HSPA12B: variants seen among roughly 807,000 people sequenced by gnomAD.
The protein encoded by HSPA12B is heat shock 70 kDa protein 12B.
A neutral mutation model predicts 69.3 loss-of-function variants in HSPA12B; 54 were observed. The ratio of observed to expected loss-of-function variants is 0.78; its 90% CI spans 0.63 to 0.98. HSPA12B has a LOEUF of 0.98. Among genes scored for constraint, HSPA12B ranks in the 50% least tolerant of loss-of-function variants. The pLI, the probability that HSPA12B is intolerant of heterozygous loss-of-function variation, is 0.00. For synonymous variants in HSPA12B, 441 were observed against 436.5 expected (o/e 1.01, Z -0.13); for missense variants, 929 against 999.8 (o/e 0.93, Z 0.96).
At position 3,740,159 on chromosome 20, in the gene HSPA12B, T is replaced by TGGGG. The variant is rs369809848; in HGVS notation, c.44-653_44-650dup. Among the ~76,000 whole-genome samples, 1 of 151,426 alleles carries TGGGG rather than the reference T, an allele frequency of 6.6e-6. No homozygotes were observed. Among genetic ancestry groups the TGGGG allele is most frequent in the African/African-American group, 2.4e-5 (1 of 40,896 alleles). Reference sequence around the variant, plus strand: ...CTCAGGGTGTGTGTATGTGTGTGTGTGGGGGGTGGGAATCAGACTTCCTAA... The same window carrying TGGGG: ...CTCAGGGTGTGTGTATGTGTGTGTGTGGGGGGGGGGTGGGAATCAGACTTCCTAA... On this transcript the variant is annotated intron_variant, in intron 2 of 12. Coordinates refer to ENST00000254963, the MANE Select transcript of HSPA12B (RefSeq NM_052970.5). This position sits in a 1 kb window ranked among gnomAD's most constrained non-coding sequence, Gnocchi z 4.9.
At chr20:3,741,551 T>C (rs1208191891) in intron 3 of HSPA12B, among the ~76,000 whole-genome samples, 1 of 152,136 alleles carries the variant, frequency 6.6e-6, no homozygotes, top group East Asian at 1.9e-4. Context: ...GAGAATTGCT[T>C]GAACCTGGGA....
At position 3,738,690 on chromosome 20, in the gene HSPA12B, G is replaced by A. The variant is rs760812368; in HGVS notation, c.16G>A (p.Glu6Lys). The A allele has an allele frequency of 9.9e-6, 16 of 1,614,138 alleles. No homozygotes were observed. Among genetic ancestry groups the A allele is most frequent in the Middle Eastern group, 3.3e-4 (2 of 6,062 alleles). Reference sequence around the variant, plus strand: ...GCCTGCAAGGATGTTGGCTGTCCCGGAGATGGGCCTGCAGGGGCTGTACAT... The same window carrying A: ...GCCTGCAAGGATGTTGGCTGTCCCGAAGATGGGCCTGCAGGGGCTGTACAT... MLAVP[E>K]MGLQGLYIGS... The change falls in exon 2 of 13, where the codon GAG becomes AAG. Residue 6 changes from glutamate (E) to lysine (K), a missense_variant. Physicochemically the swap from Glu to Lys is moderately conservative, Grantham distance 56 (BLOSUM62 1). Around this residue, in one of 3 missense-constraint regions of HSPA12B, gnomAD observed 477 missense variants for 535.2 expected, o/e 0.89. Coordinates refer to ENST00000254963, the MANE Select transcript of HSPA12B (RefSeq NM_052970.5).
At chr20:3,735,158 A>C (rs190250488) in intron 1 of HSPA12B, among the ~76,000 whole-genome samples, 2 of 152,354 alleles carry the variant, frequency 1.3e-5, no homozygotes, top group African/African-American at 4.8e-5. Flanking sequence ...TCATGAAGGG[A>C]AAGAACACTG....
At position 3,745,582 on chromosome 20, in the gene HSPA12B, G is replaced by A. The variant is rs1365882413; in HGVS notation, c.543G>A (p.Arg181=). The A allele has an allele frequency of 6.2e-7, 1 of 1,614,076 alleles. No homozygotes were observed. The highest frequency in any genetic ancestry group is 8.5e-7 in the Non-Finnish European group (1 of 1,179,982). Residue 181 remains arginine, a synonymous_variant, in exon 6 of 13, where the codon AGG becomes AGA. Transcript: ENST00000254963. The surrounding 1 kb of genome is among the most constrained non-coding windows in gnomAD (Gnocchi z 5.6). ...EVFAHALRFF[R]EHALQELREQ... ...TCGCCCATGCCCTGCGCTTCTTCAGGGAGCACGCCCTTCAGGTGCGCTGCG... is the reference window on the plus strand; with the variant it reads ...TCGCCCATGCCCTGCGCTTCTTCAGAGAGCACGCCCTTCAGGTGCGCTGCG...
rs770403153 is a variant in HSPA12B, at chr20:3,751,596, C to T, written c.1491C>T (p.His497=). 7.9e-6 allele frequency: 12 copies of T among 1,521,620 alleles called. No individual in the cohort carries two copies. Among genetic ancestry groups the T allele is most frequent in the Non-Finnish European group, 1.1e-5 (12 of 1,138,164 alleles). 94.3% of individuals were successfully genotyped at this position (1,521,620 alleles called of 1,614,324 possible). A position where few individuals can be genotyped will look rare whatever the true frequency, so the allele number is the denominator to read the frequency against. The part of the protein sequence containing the change: ...GGFAESAVLQ[H]AVQAALGARG... The stretch of plus-strand genomic sequence containing the variant: ...TCGCCGAGTCAGCGGTGCTGCAGCA[C>T]GCGGTGCAGGCGGCGCTGGGCGCCC... The change falls in exon 13 of 13, where the codon CAC becomes CAT. Residue 497 remains histidine (H), a synonymous_variant. Transcript: ENST00000254963.
chr20:3,742,483 T>C, intron 4 of HSPA12B, 75 bp downstream of exon 4: 1 of 1,213,270 alleles, frequency 8.2e-7, no homozygotes, highest in Non-Finnish European at 1.2e-6. Flanking sequence ...AAAAGTACTG[T>C]CACCGAGACA....
At chr20:3,741,011 G>A (rs1600313547) in intron 3 of HSPA12B, 99 bp downstream of exon 3, 1 of 922,122 alleles carries the variant, frequency 1.1e-6, no homozygotes, top group East Asian at 2.6e-5. Flanking sequence ...GGAAGGAGGA[G>A]GGGATGGGGG....
At chr20:3,741,049 C>T (rs1353369146) in intron 3 of HSPA12B, 137 bp downstream of exon 3, 26 of 656,622 alleles carry the variant, frequency 4.0e-5, no homozygotes, top group Non-Finnish European at 1.5e-5. Context: ...TCCCCGTACA[C>T]TCCAGTCATG....
At chr20:3,742,701 C>CTTT (rs36044324) in intron 4 of HSPA12B, among the ~76,000 whole-genome samples, 1 of 143,076 alleles carries the variant, frequency 7.0e-6, no homozygotes, top group Non-Finnish European at 1.5e-5. Flanking sequence ...TTTTATTTTC[C>CTTT]TTTTTTTTTT....
intron 11 of HSPA12B, 69 bp from the exon 12 acceptor site, chr20:3,750,735 A>T (rs2088403240): frequency 6.2e-7 from 1 of 1,609,760 alleles, no homozygotes; most frequent in African/African-American, 1.3e-5. Context: ...AATAAGGACC[A>T]CGGACCCCAA....
chr20:3,746,872 A>C (rs6116016), intron 7 of HSPA12B, among the ~76,000 whole-genome samples: 2,150 of 152,286 alleles, frequency 0.014, 59 homozygotes, highest in African/African-American at 0.049. Context: ...ATTCCCATTC[A>C]GCTGAGGGCA....
At position 3,750,913 on chromosome 20, in the gene HSPA12B, C is replaced by T. The variant is rs2088407973; in HGVS notation, c.1405+6C>T. 1.2e-6 allele frequency: 2 copies of T among 1,613,278 alleles called. No individual in the cohort carries two copies. Among genetic ancestry groups the T allele is most frequent in the Non-Finnish European group, 1.7e-6 (2 of 1,179,372 alleles). On this transcript the variant is annotated splice_donor_region_variant and intron_variant, in intron 12 of 12. Transcript: ENST00000254963. The stretch of plus-strand genomic sequence containing the variant: ...CGGGATCATCCAGCACATAGGTGAG[C>T]ACCTGAGCTTGGTCCCCCACCCGCC...
chr20:3,749,319 G>GT lies in HSPA12B; in HGVS notation c.937+2dup. The GT allele has an allele frequency of 6.2e-7, 1 of 1,612,842 alleles. No homozygotes were observed. Reference sequence around the variant, plus strand: ...GAGCTGTGGGCAGAGATGCAAGCAGGTAGGGGGAAAGGGGGACGGAGTGTT... The same window carrying GT: ...GAGCTGTGGGCAGAGATGCAAGCAGGTTAGGGGGAAAGGGGGACGGAGTGTT... On this transcript the variant is annotated splice_donor_variant, in intron 9 of 12. Transcript: ENST00000254963. LOFTEE classifies it high-confidence loss of function. The surrounding 1 kb of genome is among the most constrained non-coding windows in gnomAD (Gnocchi z 5.5).
At chr20:3,746,430 G>A (rs1383426566) in intron 7 of HSPA12B, among the ~76,000 whole-genome samples, 1 of 145,230 alleles carries the variant, frequency 6.9e-6, no homozygotes, top group Non-Finnish European at 1.5e-5. Flanking sequence ...AGCCTCCCGA[G>A]TAGCTGGGAC....
intron 4 of HSPA12B, among the ~76,000 whole-genome samples, chr20:3,742,907 T>C (rs2088229452): frequency 6.6e-6 from 1 of 151,620 alleles, no homozygotes; most frequent in African/African-American, 2.4e-5. Flanking sequence ...GGAGTCTCAC[T>C]CTGTTGTCCA....
rs944962241 is a variant in HSPA12B, at chr20:3,749,154, G to A, written c.851-78G>A. 10 of 1,298,996 alleles carry A rather than the reference G, an allele frequency of 7.7e-6. No individual in the cohort carries two copies. In the Admixed American group the frequency reaches 1.4e-4, roughly 18 times the overall value. 80.5% of individuals were successfully genotyped at this position (1,298,996 alleles called of 1,614,324 possible). On this transcript the variant is annotated intron_variant, in intron 8 of 12. Transcript: ENST00000254963. The surrounding 1 kb of genome is among the most constrained non-coding windows in gnomAD (Gnocchi z 5.5). ...GCTCCCAGTGCCCATGGAGGTCCTG[G>A]GCAGGAGGATGGGAGTTGAACGCCA...
rs180749959 is a variant in HSPA12B at position 3,736,748 on chromosome 20, C to T, written c.-17-1910C>T. On this transcript the variant is annotated intron_variant, in intron 1 of 12. Transcript: ENST00000254963. The stretch of plus-strand genomic sequence containing the variant: ...GGGAATCTTGTTAAAATAGGCCAGA[C>T]GCGGTGGCTTACGCCTGTAATCCCA... 4.1e-3 allele frequency among the ~76,000 whole-genome samples: 627 copies of T among 152,296 alleles called. 2 individuals are homozygous for T. The highest frequency in any genetic ancestry group is 7.8e-3 in the Non-Finnish European group (529 of 68,022).
Position 3,749,810 on chromosome 20 carries a change from T to A in HSPA12B, c.998T>A (p.Leu333Gln). 6.2e-7 allele frequency: 1 copy of A among 1,608,832 alleles called. No homozygotes were observed. Among genetic ancestry groups the A allele is most frequent in the Non-Finnish European group, 8.5e-7 (1 of 1,178,590 alleles). ...GGTVDLTVHQ[L>Q]EQPHGTLKEL... ...ACCGTGGACCTGACGGTGCACCAGCTGGAGCAGCCCCATGGCACCCTCAAG... is the reference window on the plus strand; with the variant it reads ...ACCGTGGACCTGACGGTGCACCAGCAGGAGCAGCCCCATGGCACCCTCAAG... The change falls in exon 10 of 13, where the codon CTG (leucine) becomes CAG (glutamine). Residue 333 changes from leucine (L) to glutamine (Q), a missense_variant. This residue lies in a region of HSPA12B where 477 missense variants were observed against 535.2 expected (regional missense o/e 0.89). Transcript: ENST00000254963. The surrounding 1 kb of genome is among the most constrained non-coding windows in gnomAD (Gnocchi z 5.5).
chr20:3,740,950 G>C lies in HSPA12B; in HGVS notation c.141+38G>C. The C allele has an allele frequency of 6.4e-7, 1 of 1,566,644 alleles. No individual in the cohort carries two copies. On this transcript the variant is annotated intron_variant, in intron 3 of 12. Transcript: ENST00000254963. The surrounding 1 kb of genome is among the most constrained non-coding windows in gnomAD (Gnocchi z 4.9). ...CAGGGACCAGGTGGTGGGTGACCTG[G>C]CTGGTGTGGACAGGGTCGTGCGTGG...
Sources: gnomAD v4.1 joint callset for allele counts (sites outside exome capture counted in the v4.1 genomes callset) on GRCh38, gnomAD v4.1.1 for gene constraint, gnomAD v4.1.1 regional missense constraint, Gnocchi (gnomAD v3.1) non-coding constraint, MANE v1.5 for transcripts, NCBI Gene and HGNC (gene_info 2026-07-23, HGNC 2026-07-21) for gene names.